Variants in TMEM132D observed in about 807,000 individuals in gnomAD.
TMEM132D encodes the protein mature OL transmembrane protein.
Under a neutral mutation model 62.3 loss-of-function variants are expected in TMEM132D, and 21 were observed. The ratio of observed to expected loss-of-function variants is 0.34; its 90% CI spans 0.24 to 0.49. The LOEUF (loss-of-function observed/expected upper bound fraction) is 0.49. TMEM132D is among the 20% of genes least tolerant of loss of function. The pLI, the probability that TMEM132D is intolerant of heterozygous loss-of-function variation, is 0.99. For synonymous variants in TMEM132D, 621 were observed against 575.6 expected, an observed-to-expected ratio of 1.08 and a Z score of -1.13; for missense variants, 1,346 against 1,402.8, an observed-to-expected ratio of 0.96 and a Z score of 0.65.
chr12:129,362,855 C>T (rs1000268253), intron 3 of TMEM132D, among the ~76,000 whole-genome samples: 1 of 152,224 alleles, frequency 6.6e-6, no homozygotes, highest in African/African-American at 2.4e-5. Context: ...CTAAATCTCT[C>T]CACTTCAGGG....
At chr12:129,317,989 A>AT (rs1167849479) in intron 4 of TMEM132D, among the ~76,000 whole-genome samples, 4 of 151,942 alleles carry the variant, frequency 2.6e-5, no homozygotes, top group African/African-American at 7.3e-5. Flanking sequence ...AATTTCCTGA[A>AT]TTTTTTTGTT....
intron 3 of TMEM132D, among the ~76,000 whole-genome samples, chr12:129,518,675 A>T (rs1280222353): frequency 6.6e-6 from 1 of 152,056 alleles, no homozygotes; most frequent in South Asian, 2.1e-4. Context: ...TTAACATACC[A>T]GTAAATTGAG....
At chr12:129,658,054 C>T (rs969654480) in intron 2 of TMEM132D, among the ~76,000 whole-genome samples, 7 of 152,116 alleles carry the variant, frequency 4.6e-5, no homozygotes, top group East Asian at 1.9e-4. Context: ...ATAAATAATG[C>T]AATTTCAGCT....
intron 5 of TMEM132D, among the ~76,000 whole-genome samples, chr12:129,125,187 T>C (rs1333209203): frequency 2.6e-5 from 4 of 152,226 alleles, no homozygotes; most frequent in South Asian, 2.1e-4. Context: ...AGAGGAATTA[T>C]GTACTTTAAT....
rs573563388 is a variant in TMEM132D at position 129,885,728 on chromosome 12, T to C, written c.79+17533A>G. ...CAATAGTTGCTAAGGATGAAGTTTC[T>C]AGTGTATTGTAAATCTTGACATTTT... On this transcript the variant is annotated intron_variant, in intron 1 of 8. Transcript: ENST00000422113. Among the ~76,000 whole-genome samples, 16 of 152,372 alleles carry C rather than the reference T, an allele frequency of 1.1e-4. No homozygotes were observed. The South Asian group carries it at 3.3e-3, about 32-fold the overall frequency.
intron 3 of TMEM132D, among the ~76,000 whole-genome samples, chr12:129,512,615 T>A (rs1566093151): frequency 6.6e-6 from 1 of 152,260 alleles, no homozygotes; most frequent in Non-Finnish European, 1.5e-5. Context: ...TTTTAGCTCA[T>A]GAGTTATCAT....
At chr12:129,483,966 G>C (rs1440480519) in intron 3 of TMEM132D, among the ~76,000 whole-genome samples, 29 of 152,044 alleles carry the variant, frequency 1.9e-4, no homozygotes, top group Admixed American at 1.9e-3. Context: ...TCTTTATTCA[G>C]TTACTTATTT....
intron 3 of TMEM132D, among the ~76,000 whole-genome samples, chr12:129,469,647 A>C (rs1041334606): frequency 2.6e-5 from 4 of 152,184 alleles, no homozygotes; most frequent in Non-Finnish European, 5.9e-5. Context: ...AGAGAGTGGG[A>C]ACCAGTAACT....
chr12:129,805,130 A>T (rs1364949092), intron 1 of TMEM132D, among the ~76,000 whole-genome samples: 1 of 151,316 alleles, frequency 6.6e-6, no homozygotes, highest in Non-Finnish European at 1.5e-5. Flanking sequence ...GGTCATTTAC[A>T]GATTCAATGT....
chr12:129,614,164 G>A (rs1026626244), intron 2 of TMEM132D, among the ~76,000 whole-genome samples: 2 of 152,224 alleles, frequency 1.3e-5, no homozygotes, highest in Non-Finnish European at 2.9e-5. Flanking sequence ...ACTATCTCCA[G>A]AACCCAGGGG....
intron 2 of TMEM132D, among the ~76,000 whole-genome samples, chr12:129,616,407 G>A (rs545959865): frequency 6.6e-6 from 1 of 152,256 alleles, no homozygotes; most frequent in African/African-American, 2.4e-5. Context: ...GCACAGTGGT[G>A]TGGTTGTATT....
intron 5 of TMEM132D, among the ~76,000 whole-genome samples, chr12:129,188,683 A>G (rs1457085018): frequency 6.7e-6 from 1 of 150,150 alleles, no homozygotes; most frequent in Non-Finnish European, 1.5e-5. Flanking sequence ...AGATGAAACT[A>G]GATGATTGAT....
intron 1 of TMEM132D, among the ~76,000 whole-genome samples, chr12:129,776,685 CTG>C (rs201223705): frequency 0.036 from 3,359 of 92,520 alleles, 179 homozygotes; most frequent in East Asian, 0.25. Context: ...CAACGAAAGA[CTG>C]TGTTCCTTAA....
At chr12:129,185,806 T>C (rs2135553427) in intron 5 of TMEM132D, among the ~76,000 whole-genome samples, 1 of 133,038 alleles carries the variant, frequency 7.5e-6, no homozygotes. Context: ...TATCTATCTA[T>C]CTATCATCTA....
In TMEM132D at chr12:129,209,603, C is replaced by T; in HGVS notation, c.1360G>A (p.Val454Met). Residue 454 changes from valine to methionine, a missense_variant, in exon 5 of 9, where the codon GTG becomes ATG. Coordinates refer to ENST00000422113, the MANE Select transcript of TMEM132D (RefSeq NM_133448.3). ...GTGCCGTCGTCCTCCACGGAGACCA[C>T]TTTCACCGGGACGGCCACCGTCTTC... ...TGKTVAVPVKVVSVEDDGTVT... is the reference protein window; with the variant it reads ...TGKTVAVPVKMVSVEDDGTVT... The T allele has an allele frequency of 1.2e-6, 2 of 1,614,230 alleles. No individual in the cohort carries two copies. The highest frequency in any genetic ancestry group is 1.1e-5 in the South Asian group (1 of 91,090).
intron 1 of TMEM132D, among the ~76,000 whole-genome samples, chr12:129,771,291 G>T (rs1870745084): frequency 6.6e-6 from 1 of 152,172 alleles, no homozygotes; most frequent in East Asian, 1.9e-4. Flanking sequence ...AGGTTTGAGG[G>T]GATTAACCAC....
At chr12:129,382,141 G>T (rs1489786867) in intron 3 of TMEM132D, among the ~76,000 whole-genome samples, 1 of 152,094 alleles carries the variant, frequency 6.6e-6, no homozygotes, top group African/African-American at 2.4e-5. Flanking sequence ...TTTAAATTCA[G>T]CAGTCCATTT....
At chr12:129,221,947 T>C (rs1179377966) in intron 4 of TMEM132D, among the ~76,000 whole-genome samples, 9 of 152,196 alleles carry the variant, frequency 5.9e-5, no homozygotes, top group Non-Finnish European at 1.2e-4. Flanking sequence ...TTGCTATAAA[T>C]AACCTGTGTG....
intron 2 of TMEM132D, among the ~76,000 whole-genome samples, chr12:129,576,329 T>C (rs912317450): frequency 5.3e-5 from 8 of 151,830 alleles, no homozygotes. Context: ...GATTTGTAAT[T>C]AAAATAGATT....
Sources: allele counts gnomAD v4.1 joint callset (sites outside exome capture counted in the v4.1 genomes callset), GRCh38; gene constraint gnomAD v4.1.1; transcripts MANE v1.5; gene names NCBI Gene and HGNC (gene_info 2026-07-23, HGNC 2026-07-21).